The following ALPK2 variants were observed in gnomAD, a reference collection of about 807,000 sequenced individuals.
ALPK2 encodes alpha-protein kinase 2.
ALPK2 carries 127 observed loss-of-function variants against 163.1 expected under a neutral mutation model. That is an observed-to-expected ratio of 0.78 (90% CI 0.67 to 0.90). The LOEUF (loss-of-function observed/expected upper bound fraction) is 0.90, where lower values mean the gene tolerates loss of function less well. Among genes scored for constraint, ALPK2 ranks in the 40% least tolerant of loss-of-function variants. ALPK2 has a pLI of 0.00. For missense variants in ALPK2, 2,360 were observed against 2,589.6 expected, an observed-to-expected ratio of 0.91 and a Z score of 1.92; for synonymous variants, 953 against 959.1, an observed-to-expected ratio of 0.99 and a Z score of 0.12.
At chr18:58,569,920 G>A (rs2051876523) in intron 4 of ALPK2, among the ~76,000 whole-genome samples, 1 of 151,882 alleles carries the variant, frequency 6.6e-6, no homozygotes, top group Admixed American at 6.6e-5. Flanking sequence ...CACAATGTCA[G>A]GAGGTCAAGA....
intron 6 of ALPK2, among the ~76,000 whole-genome samples, chr18:58,524,299 G>A (rs759212502): frequency 1.3e-5 from 2 of 152,180 alleles, no homozygotes; most frequent in Non-Finnish European, 2.9e-5. Flanking sequence ...ACTGCCATGA[G>A]TAGAGCAAAG....
At position 58,498,066 on chromosome 18, in the gene ALPK2, T is replaced by G. The variant is rs771480754; in HGVS notation, c.6279A>C (p.Ile2093=). 1 of 1,614,178 alleles carries G rather than the reference T, an allele frequency of 6.2e-7. No homozygotes were observed. Among genetic ancestry groups the G allele is most frequent in the South Asian group, 1.1e-5 (1 of 91,076 alleles). ...GVGMKLTDVG[I]ATLAKGYKGF... The stretch of plus-strand genomic sequence containing the variant: ...CTACTCACCCTTTAGCCAGCGTTGC[T>G]ATGCCAACGTCAGTTAGCTTCATTC... The change falls in exon 12 of 13, where the codon ATA becomes ATC. Residue 2093 remains isoleucine, a synonymous_variant. Coordinates refer to ENST00000361673, the MANE Select transcript of ALPK2 (RefSeq NM_052947.4).
chr18:58,513,410 G>A (rs560037120), intron 10 of ALPK2, among the ~76,000 whole-genome samples: 1 of 152,264 alleles, frequency 6.6e-6, no homozygotes, highest in South Asian at 2.1e-4. Flanking sequence ...CCCCTTGTAA[G>A]GAATGGGAAA....
rs1568077880 is a variant in ALPK2, at chr18:58,536,088, C to A, written c.4099G>T (p.Glu1367Ter). 6.2e-7 allele frequency: 1 copy of A among 1,614,178 alleles called. No homozygotes were observed. Among genetic ancestry groups the A allele is most frequent in the Non-Finnish European group, 8.5e-7 (1 of 1,180,026 alleles). The change falls in exon 5 of 13, where the codon GAA becomes TAA. Residue 1367 changes from glutamate (E) to a stop codon, truncating the protein, a stop_gained. Coordinates refer to ENST00000361673, the MANE Select transcript of ALPK2 (RefSeq NM_052947.4). LOFTEE classifies it high-confidence loss of function. The stretch of plus-strand genomic sequence containing the variant: ...TCTTGACTCACATTGTTAACATTTT[C>A]CTTCCCTCCAGTTTCAGAAGCCGCT... ...LSAASETGGK[E>*]NVNNVSQDQE...
At chr18:58,589,825 A>G (rs939419713) in intron 3 of ALPK2, among the ~76,000 whole-genome samples, 4 of 152,202 alleles carry the variant, frequency 2.6e-5, no homozygotes, top group Non-Finnish European at 5.9e-5. Context: ...CCTGCTCCCA[A>G]CAATATTAAA....
rs181102611 is a variant in ALPK2, at chr18:58,502,720, A to G, written c.6247+1211T>C. 3.9e-3 allele frequency among the ~76,000 whole-genome samples: 590 copies of G among 152,272 alleles called. 1 individual carries two copies. Among genetic ancestry groups the G allele is most frequent in the South Asian group, 4.6e-3 (22 of 4,822 alleles). On this transcript the variant is annotated intron_variant, in intron 11 of 12. Transcript: ENST00000361673. ...TGCCTTACCTATTGCCCACACCCCAACCACTTCTGTGCACCTGGCTCCACC... is the reference window on the plus strand; with the variant it reads ...TGCCTTACCTATTGCCCACACCCCAGCCACTTCTGTGCACCTGGCTCCACC...
chr18:58,604,206 A>G (rs1004171126), intron 3 of ALPK2, among the ~76,000 whole-genome samples: 8 of 152,244 alleles, frequency 5.3e-5, no homozygotes, highest in African/African-American at 1.9e-4. Flanking sequence ...TTAATGATCC[A>G]AAGATCAAAT....
Position 58,537,370 on chromosome 18 carries a change from C to T in ALPK2, c.2817G>A (p.Gly939=), listed in dbSNP as rs758909239. The T allele has an allele frequency of 1.9e-6, 3 of 1,613,998 alleles. No individual in the cohort carries two copies. The highest frequency in any genetic ancestry group is 2.5e-6 in the Non-Finnish European group (3 of 1,179,916). The stretch of plus-strand genomic sequence containing the variant: ...AAGAAAGGAGCTGTGTTTCATCAAG[C>T]CCTCCTGAGTTGCTGGGGCTTGGCT... The part of the protein sequence containing the change: ...QEQPSPSNSG[G]LDETQLLSSE... The change falls in exon 5 of 13, where the codon GGG becomes GGA. Residue 939 remains glycine, a synonymous_variant. Coordinates refer to ENST00000361673, the MANE Select transcript of ALPK2 (RefSeq NM_052947.4).
intron 12 of ALPK2, among the ~76,000 whole-genome samples, chr18:58,488,452 G>T (rs548015513): frequency 7.4e-6 from 1 of 135,956 alleles, no homozygotes; most frequent in Non-Finnish European, 1.6e-5. Flanking sequence ...TCTGGGATCC[G>T]CTCACAACCG....
At chr18:58,578,740 A>ACGCGCGCG in intron 4 of ALPK2, 74 bp downstream of exon 4, 1 of 1,118,830 alleles carries the variant, frequency 8.9e-7, no homozygotes, top group Non-Finnish European at 1.3e-6. Context: ...AGAGACACAC[A>ACGCGCGCG]CACACACACA....
chr18:58,559,177 C>T (rs920416188), intron 4 of ALPK2, among the ~76,000 whole-genome samples: 4 of 152,068 alleles, frequency 2.6e-5, no homozygotes, highest in Non-Finnish European at 5.9e-5. Context: ...GATTTTTGCC[C>T]CCATCCCCAC....
intron 1 of ALPK2, among the ~76,000 whole-genome samples, chr18:58,627,347 G>A (rs1019380598): frequency 2.0e-5 from 3 of 152,190 alleles, no homozygotes; most frequent in Admixed American, 6.5e-5. Flanking sequence ...TAGGCCAGGC[G>A]CGGTGGCTCA....
rs561261042 is a variant in ALPK2 at position 58,481,491 on chromosome 18, A to G, written c.*332T>C. 3.1e-4 allele frequency: 88 copies of G among 284,702 alleles called. 1 individual carries two copies. Among genetic ancestry groups the G allele is most frequent in the Non-Finnish European group, 2.9e-4 (43 of 149,278 alleles). The allele number at this position is 284,702 out of a possible 1,614,324, so 17.6% of individuals were successfully genotyped here. A position where few individuals can be genotyped will look rare whatever the true frequency, so the allele number is the denominator to read the frequency against. On this transcript the variant is annotated 3_prime_UTR_variant, in exon 13 of 13. Coordinates refer to ENST00000361673, the MANE Select transcript of ALPK2 (RefSeq NM_052947.4). ...CTGTGAACAGACTCTTCTCAGCACC[A>G]GGTCCTCGACAGCACAACCATGTGC... is the stretch of plus-strand genomic sequence containing the variant.
chr18:58,554,110 T>G (rs2051776102), intron 4 of ALPK2, among the ~76,000 whole-genome samples: 1 of 152,148 alleles, frequency 6.6e-6, no homozygotes, highest in Admixed American at 6.5e-5. Context: ...ATCCGCTGCC[T>G]CGGCCTCCCA....
chr18:58,528,957 A>G, intron 6 of ALPK2, 134 bp downstream of exon 6: 1 of 1,071,614 alleles, frequency 9.3e-7, no homozygotes. Context: ...GTCTTTTTTA[A>G]TATTGTGGAT....
At chr18:58,558,533 A>G (rs1161609874) in intron 4 of ALPK2, among the ~76,000 whole-genome samples, 1 of 152,246 alleles carries the variant, frequency 6.6e-6, no homozygotes, top group Non-Finnish European at 1.5e-5. Flanking sequence ...GATTCCTCAA[A>G]AGGTTACACA....
At chr18:58,495,869 A>G (rs1356217488) in intron 12 of ALPK2, among the ~76,000 whole-genome samples, 4 of 152,202 alleles carry the variant, frequency 2.6e-5, no homozygotes, top group Admixed American at 6.5e-5. Flanking sequence ...GAACTTAGTC[A>G]CATGCCCACA....
rs2051527326 is a variant in ALPK2, at chr18:58,517,260, C to T, written c.5666-78G>A. 2.0e-6 allele frequency: 3 copies of T among 1,482,496 alleles called. No homozygotes were observed. In the African/African-American group the frequency reaches 4.1e-5, roughly 20 times the overall value. The allele number at this position is 1,482,496 out of a possible 1,614,324, so 91.8% of individuals were successfully genotyped here. A position where few individuals can be genotyped will look rare whatever the true frequency, so the allele number is the denominator to read the frequency against. On this transcript the variant is annotated intron_variant, in intron 8 of 12. Coordinates refer to ENST00000361673, the MANE Select transcript of ALPK2 (RefSeq NM_052947.4). ...TGGCTAACTCCACATGGGGAGGGTC[C>T]CCACATAAGGACAATGACAAGGCTG...
intron 4 of ALPK2, among the ~76,000 whole-genome samples, chr18:58,559,658 T>C (rs1052929196): frequency 6.6e-6 from 1 of 152,202 alleles, no homozygotes; most frequent in African/African-American, 2.4e-5. Context: ...CTGAGGCTTC[T>C]TGAGTCCCCA....
Sources: gnomAD v4.1 joint callset for allele counts (sites outside exome capture counted in the v4.1 genomes callset) on GRCh38, gnomAD v4.1.1 for gene constraint, MANE v1.5 for transcripts, NCBI Gene and HGNC (gene_info 2026-07-23, HGNC 2026-07-21) for gene names.